The following GALNT13 variants were observed in gnomAD, a reference collection of about 807,000 sequenced individuals.
GALNT13 encodes the protein UDP-GalNAc:polypeptide N-acetylgalactosaminyltransferase 13.
A neutral mutation model predicts 64.2 loss-of-function variants in GALNT13; 28 were observed. That is an observed-to-expected ratio of 0.44 (90% CI 0.32 to 0.60). The LOEUF is 0.60. GALNT13 is among the 20% of genes least tolerant of loss of function. The probability of loss-of-function intolerance (pLI) is 0.05; values close to 1 mark genes in which losing one functional copy is unlikely to be tolerated. For missense variants in GALNT13, 577 were observed against 669.8 expected, an observed-to-expected ratio of 0.86 and a Z score of 1.53; for synonymous variants, 214 against 224.6, an observed-to-expected ratio of 0.95 and a Z score of 0.42.
chr2:153,765,612 C>A, the GALNT13 span, among the ~76,000 whole-genome samples: 65,268 of 151,866 alleles, frequency 0.43, 15,377 homozygotes, highest in African/African-American at 0.62. Context: ...TTAGTGTTGA[C>A]ATGAGATAAG....
the GALNT13 span, among the ~76,000 whole-genome samples, chr2:153,080,069 T>C: frequency 2.0e-5 from 3 of 152,236 alleles, no homozygotes; most frequent in Non-Finnish European, 2.9e-5. Context: ...TTGTGTTTAT[T>C]CTGATTGTCA....
intron 8 of GALNT13, among the ~76,000 whole-genome samples, chr2:154,288,165 A>C (rs1393290707): frequency 2.0e-5 from 3 of 152,150 alleles, no homozygotes; most frequent in Non-Finnish European, 4.4e-5. Context: ...GGCAGGAAAG[A>C]GCGCTTGTGT....
chr2:153,522,348 A>AAGAG, the GALNT13 span, among the ~76,000 whole-genome samples: 1 of 151,640 alleles, frequency 6.6e-6, no homozygotes, highest in African/African-American at 2.4e-5. Context: ...GAAAAAAATA[A>AAGAG]AGAGAGAGAG....
chr2:153,545,371 T>C, the GALNT13 span, among the ~76,000 whole-genome samples: 1 of 152,072 alleles, frequency 6.6e-6, no homozygotes, highest in Non-Finnish European at 1.5e-5. Context: ...GTTGATTCCA[T>C]GTACACATCT....
At chr2:153,336,401 C>T in the GALNT13 span, among the ~76,000 whole-genome samples, 1 of 152,140 alleles carries the variant, frequency 6.6e-6, no homozygotes, top group African/African-American at 2.4e-5. Context: ...CTGCCCAAGA[C>T]CATGGAAACC....
chr2:153,356,375 A>G, the GALNT13 span, among the ~76,000 whole-genome samples: 1 of 152,186 alleles, frequency 6.6e-6, no homozygotes, highest in Non-Finnish European at 1.5e-5. Context: ...TTTGAATGGG[A>G]TAGAAAGGTC....
intron 4 of GALNT13, among the ~76,000 whole-genome samples, chr2:154,196,021 C>T (rs1024733945): frequency 1.3e-5 from 2 of 152,174 alleles, no homozygotes; most frequent in African/African-American, 2.4e-5. Flanking sequence ...AGGCCTGGGC[C>T]TGTGAGTCAG....
At chr2:153,656,724 A>G in the GALNT13 span, among the ~76,000 whole-genome samples, 1 of 152,124 alleles carries the variant, frequency 6.6e-6, no homozygotes, top group Non-Finnish European at 1.5e-5. Flanking sequence ...AAAAAGTTCT[A>G]TCATGATGGA....
chr2:153,101,738 AC>A, the GALNT13 span, among the ~76,000 whole-genome samples: 1 of 152,256 alleles, frequency 6.6e-6, no homozygotes, highest in African/African-American at 2.4e-5. Context: ...GAAGGCTGCA[AC>A]AGAAATTTAA....
chr2:154,113,249 C>A, intron 3 of GALNT13, among the ~76,000 whole-genome samples: 1 of 152,206 alleles, frequency 6.6e-6, no homozygotes, highest in East Asian at 1.9e-4. Flanking sequence ...TCCAGTAAGC[C>A]TCCCTATCTG....
At chr2:154,353,724 T>C (rs1174391931) in intron 9 of GALNT13, among the ~76,000 whole-genome samples, 1 of 152,196 alleles carries the variant, frequency 6.6e-6, no homozygotes, top group Non-Finnish European at 1.5e-5. Flanking sequence ...GGTCCATCCA[T>C]GTTGTGGCGG....
intron 4 of GALNT13, among the ~76,000 whole-genome samples, chr2:154,224,177 C>A (rs1688466696): frequency 6.6e-6 from 1 of 151,988 alleles, no homozygotes; most frequent in Non-Finnish European, 1.5e-5. Flanking sequence ...GTCGTTGATT[C>A]ATAGGACAGA....
At chr2:153,584,244 C>T in the GALNT13 span, among the ~76,000 whole-genome samples, 1 of 152,164 alleles carries the variant, frequency 6.6e-6, no homozygotes, top group Non-Finnish European at 1.5e-5. Context: ...CTGGTGTATG[C>T]ATCCATTATT....
chr2:153,652,445 A>T, the GALNT13 span, among the ~76,000 whole-genome samples: 1 of 151,844 alleles, frequency 6.6e-6, no homozygotes, highest in Non-Finnish European at 1.5e-5. Context: ...CAAAACCCTG[A>T]CTCTACTAAA....
the GALNT13 span, among the ~76,000 whole-genome samples, chr2:153,620,540 C>CTT: frequency 6.6e-6 from 1 of 151,918 alleles, no homozygotes; most frequent in Non-Finnish European, 1.5e-5. Context: ...ATCAATTCTG[C>CTT]TACCATAAGA....
At chr2:153,670,638 T>C in the GALNT13 span, among the ~76,000 whole-genome samples, 1 of 152,268 alleles carries the variant, frequency 6.6e-6, no homozygotes, top group Non-Finnish European at 1.5e-5. Context: ...CCAGAATGCC[T>C]CTTCTCCTCC....
intron 3 of GALNT13, among the ~76,000 whole-genome samples, chr2:154,067,031 C>T (rs1016673242): frequency 6.6e-6 from 1 of 151,942 alleles, no homozygotes; most frequent in African/African-American, 2.4e-5. Flanking sequence ...TATTGCTTTT[C>T]CTGTTTGTTT....
At chr2:154,228,212 A>G (rs1688729486) in intron 4 of GALNT13, among the ~76,000 whole-genome samples, 1 of 151,676 alleles carries the variant, frequency 6.6e-6, no homozygotes, top group South Asian at 2.1e-4. Context: ...AGCCTCAAAG[A>G]GCGTGTTTAT....
At chr2:153,439,671 C>G in the GALNT13 span, among the ~76,000 whole-genome samples, 36 of 152,292 alleles carry the variant, frequency 2.4e-4, no homozygotes, top group African/African-American at 8.4e-4. Context: ...GTTGGAAAAG[C>G]ATAGTATTAG....
Sources: allele counts gnomAD v4.1 joint callset (sites outside exome capture counted in the v4.1 genomes callset), GRCh38; gene constraint gnomAD v4.1.1; transcripts MANE v1.5; gene names NCBI Gene and HGNC (gene_info 2026-07-23, HGNC 2026-07-21).